Variants in ZNF311 observed in about 807,000 individuals in gnomAD.
ZNF311 encodes the protein zinc finger protein 311, also known as zinc finger protein zfp31.
ZNF311 carries 14 observed loss-of-function variants against 22.7 expected under a neutral mutation model. The observed-to-expected ratio is 0.62, with a 90% CI of 0.41 to 0.96. ZNF311 has a LOEUF of 0.96. Ranked by LOEUF, ZNF311 falls within the 40% of genes least tolerant of loss-of-function variation. The pLI is 0.00. For synonymous variants in ZNF311, 250 were observed against 275.3 expected (o/e 0.91, Z 0.91); for missense variants, 731 against 799.0 (o/e 0.91, Z 1.03).
At chr6:29,004,915 T>A (rs939891996) in intron 1 of ZNF311, 93 bp downstream of exon 1, 1 of 152,202 alleles carries the variant, frequency 6.6e-6, no homozygotes, top group African/African-American at 2.4e-5. Context: ...CTTCAAGTGT[T>A]TTCTTATAGG....
rs751279851 is a variant in ZNF311 at position 28,995,576 on chromosome 6, A to G, written c.1426T>C (p.Cys476Arg). The G allele has an allele frequency of 1.2e-6, 2 of 1,613,206 alleles. No homozygotes were observed. The highest frequency in any genetic ancestry group is 1.1e-5 in the South Asian group (1 of 91,070). Residue 476 changes from cysteine to arginine, a missense_variant, in exon 7 of 7, where the codon TGT becomes CGT. Transcript: ENST00000377179. This position sits in a 1 kb window ranked among gnomAD's most constrained non-coding sequence, Gnocchi z 4.7. The part of the protein sequence containing the change: ...TEEKRYRCEE[C>R]GKAFRHNCKR... ...CAGTTATGACGAAAGGCTTTCCCAC[A>G]CTCCTCACACCTGTAACGTTTCTCT...
At chr6:29,002,922 A>G (rs1005719115) in intron 3 of ZNF311, among the ~76,000 whole-genome samples, 1 of 152,124 alleles carries the variant, frequency 6.6e-6, no homozygotes, top group Non-Finnish European at 1.5e-5. Flanking sequence ...CACCCGGCCT[A>G]CCATCAGCTT....
At chr6:29,003,336 A>G (rs1305057983) in intron 3 of ZNF311, among the ~76,000 whole-genome samples, 177 bp downstream of exon 3, 4 of 152,218 alleles carry the variant, frequency 2.6e-5, no homozygotes, top group Non-Finnish European at 5.9e-5. Flanking sequence ...CAGAAACTGA[A>G]TATTTAGTTC....
In ZNF311 at chr6:28,995,002, C is replaced by G. The variant is rs916905160; in HGVS notation, c.2000G>C (p.Ter667SerextTer2). 4.4e-6 allele frequency: 7 copies of G among 1,599,564 alleles called. No homozygotes were observed. In the Admixed American group the frequency reaches 8.5e-5, roughly 19 times the overall value. Residue 667 changes from the stop codon to serine, a stop_lost, in exon 7 of 7, where the codon TGA becomes TCA. Coordinates refer to ENST00000377179, the MANE Select transcript of ZNF311 (RefSeq NM_001382360.1). This position sits in a 1 kb window ranked among gnomAD's most constrained non-coding sequence, Gnocchi z 4.7. Reference protein sequence around the residue: ...TSVVSILTSA* With the variant: ...TSVVSILTSAS The stretch of plus-strand genomic sequence containing the variant: ...AAAGTAACACCAGAATCGTTATACT[C>G]AGGCACTGGTCAAAATACTGACTAC...
At chr6:28,997,071 G>A (rs1437644663) in intron 6 of ZNF311, among the ~76,000 whole-genome samples, 2 of 152,174 alleles carry the variant, frequency 1.3e-5, no homozygotes, top group African/African-American at 4.8e-5. Context: ...TTAGATCTGT[G>A]CAATACCTGA....
chr6:29,004,252 C>A, intron 1 of ZNF311, 38 bp from the exon 2 acceptor site: 1 of 1,347,962 alleles, frequency 7.4e-7, no homozygotes, highest in Non-Finnish European at 9.5e-7. Context: ...AATGTGACCA[C>A]AGGAAAAAAT....
chr6:28,995,499 G>A lies in ZNF311; in HGVS notation c.1503C>T (p.Cys501=), dbSNP rs1179838379. 1.2e-6 allele frequency: 2 copies of A among 1,612,912 alleles called. No individual in the cohort carries two copies. Among genetic ancestry groups the A allele is most frequent in the African/African-American group, 2.7e-5 (2 of 74,784 alleles). ...CTTGGAAGGTTTTCCCACAATCCCTGCATTGATAGGGCTTCTCCCCTGTAT... is the reference window on the plus strand; with the variant it reads ...CTTGGAAGGTTTTCCCACAATCCCTACATTGATAGGGCTTCTCCCCTGTAT... ...REHTGEKPYQ[C]RDCGKTFQDK... Residue 501 remains cysteine (C), a synonymous_variant, in exon 7 of 7, where the codon TGC becomes TGT. Coordinates refer to ENST00000377179, the MANE Select transcript of ZNF311 (RefSeq NM_001382360.1). This position sits in a 1 kb window ranked among gnomAD's most constrained non-coding sequence, Gnocchi z 4.7.
In ZNF311 at chr6:29,003,566, G is replaced by A. The variant is rs752241852; in HGVS notation, c.38C>T (p.Pro13Leu). 2 of 1,613,000 alleles carry A rather than the reference G, an allele frequency of 1.2e-6. No individual in the cohort carries two copies. Among genetic ancestry groups the A allele is most frequent in the Non-Finnish European group, 1.7e-6 (2 of 1,180,012 alleles). Residue 13 changes from proline to leucine, a missense_variant, in exon 3 of 7, where the codon CCA becomes CTA. Coordinates refer to ENST00000377179, the MANE Select transcript of ZNF311 (RefSeq NM_001382360.1). ...GCGGGTCCAAAGCAGCTGGCTTGGT[G>A]GTCCTGAACTCTCATCCAACAGCAC... The part of the protein sequence containing the change: ...EVVLLDESSG[P>L]PSQLLWTRQD...
Position 28,995,067 on chromosome 6 carries a change from A to G in ZNF311, c.1935T>C (p.Ser645=). The part of the protein sequence containing the change: ...QVWSTHELDG[S]RKSLSPVTVS... Reference sequence around the variant, plus strand: ...CAGTCACTGGAGAGAGGGATTTCCTACTCCCATCAAGTTCATGGGTACTCC... The same window carrying G: ...CAGTCACTGGAGAGAGGGATTTCCTGCTCCCATCAAGTTCATGGGTACTCC... The change falls in exon 7 of 7, where the codon AGT becomes AGC. Residue 645 remains serine (S), a synonymous_variant. Transcript: ENST00000377179. The surrounding 1 kb of genome is among the most constrained non-coding windows in gnomAD (Gnocchi z 4.7). The G allele has an allele frequency of 6.2e-7, 1 of 1,613,466 alleles. No individual in the cohort carries two copies. Among genetic ancestry groups the G allele is most frequent in the Non-Finnish European group, 8.5e-7 (1 of 1,179,986 alleles).
At chr6:29,001,378 C>T (rs1780430121) in intron 3 of ZNF311, among the ~76,000 whole-genome samples, 1 of 152,186 alleles carries the variant, frequency 6.6e-6, no homozygotes, top group Non-Finnish European at 1.5e-5. Flanking sequence ...CCCAAGAAGA[C>T]TCTTCTTTAG....
chr6:28,996,650 T>C, intron 6 of ZNF311, 64 bp from the exon 7 acceptor site: 2 of 1,504,016 alleles, frequency 1.3e-6, no homozygotes, highest in Non-Finnish European at 1.8e-6. Context: ...CGTGAAGCAA[T>C]GTTAAGCTGT....
At chr6:28,997,065 A>G (rs1469925771) in intron 6 of ZNF311, among the ~76,000 whole-genome samples, 2 of 152,176 alleles carry the variant, frequency 1.3e-5, no homozygotes, top group African/African-American at 4.8e-5. Context: ...GGCAGATTAG[A>G]TCTGTGCAAT....
chr6:28,996,117 T>C lies in ZNF311; in HGVS notation c.885A>G (p.Ile295Met). The change falls in exon 7 of 7, where the codon ATA (isoleucine) becomes ATG (methionine). Residue 295 changes from isoleucine (I) to methionine (M), a missense_variant. Ile to Met is a conservative substitution (Grantham distance 10). Coordinates refer to ENST00000377179, the MANE Select transcript of ZNF311 (RefSeq NM_001382360.1). ...KTRNQLSMHR[I>M]IHTGEKPFNC... ...TAAAAGGTTTCTCCCCTGTGTGGAT[T>C]ATCCGGTGCATAGAAAGCTGATTTC... 1 of 1,613,390 alleles carries C rather than the reference T, an allele frequency of 6.2e-7. No homozygotes were observed. Among genetic ancestry groups the C allele is most frequent in the Non-Finnish European group, 8.5e-7 (1 of 1,180,020 alleles).
rs547600866 is a variant in ZNF311 at position 28,997,782 on chromosome 6, T to C, written c.415+952A>G. On this transcript the variant is annotated intron_variant, in intron 6 of 6. Coordinates refer to ENST00000377179, the MANE Select transcript of ZNF311 (RefSeq NM_001382360.1). ...GACAGTTAATAAATCTTAATACCTG[T>C]GTGAACTTGGGAGGATGACTTCACT... Among the ~76,000 whole-genome samples the C allele has an allele frequency of 3.0e-4, 45 of 152,366 alleles. 1 individual carries two copies. In the South Asian group the frequency reaches 8.9e-3, roughly 30 times the overall value.
At chr6:28,998,699 G>C in intron 6 of ZNF311, 35 bp downstream of exon 6, 1 of 1,431,292 alleles carries the variant, frequency 7.0e-7, no homozygotes, top group Non-Finnish European at 9.8e-7. Context: ...CCACATGGAA[G>C]ATCAGAGGGA....
rs534630439 is a variant in ZNF311, at chr6:29,000,569, G to A, written c.92-522C>T. Among the ~76,000 whole-genome samples the A allele has an allele frequency of 2.8e-4, 43 of 152,266 alleles. 3 individuals are homozygous for A. The South Asian group carries it at 8.7e-3, about 31-fold the overall frequency. On this transcript the variant is annotated intron_variant, in intron 3 of 6. Transcript: ENST00000377179. ...TAACTTAATGGCTGGTCTACCTCCA[G>A]TTAGTTACAAATTTTTTTCCTTATT...
intron 5 of ZNF311, among the ~76,000 whole-genome samples, chr6:28,999,078 TCTC>T (rs977383867): frequency 6.7e-6 from 1 of 149,392 alleles, no homozygotes; most frequent in Non-Finnish European, 1.5e-5. Context: ...TTGGGTGTGC[TCTC>T]CTGTTTTTTT....
chr6:28,995,038 GA>G lies in ZNF311; in HGVS notation c.1963del (p.Ser655LeufsTer5), dbSNP rs771175803. On this transcript the variant is annotated frameshift_variant, in exon 7 of 7. Transcript: ENST00000377179. LOFTEE classifies it low-confidence loss of function (END_TRUNC). The surrounding 1 kb of genome is among the most constrained non-coding windows in gnomAD (Gnocchi z 4.7). ...CAAAATACTGACTACTGAGGTCTGAGAAACAGTCACTGGAGAGAGGGATTTC... is the reference window on the plus strand; with the variant it reads ...CAAAATACTGACTACTGAGGTCTGAGAACAGTCACTGGAGAGAGGGATTTC... The part of the protein sequence containing the change: ...SRKSLSPVTV[S>X]QTSVVSILTS... The G allele has an allele frequency of 3.1e-6, 5 of 1,612,246 alleles. No homozygotes were observed. In the African/African-American group the frequency reaches 6.7e-5, roughly 22 times the overall value.
intron 2 of ZNF311, 74 bp from the exon 3 acceptor site, chr6:29,003,668 A>T: frequency 6.5e-7 from 1 of 1,530,760 alleles, no homozygotes; most frequent in Admixed American, 1.7e-5. Context: ...GCAAGCAACC[A>T]TACAGGTCTA....
Sources: gnomAD v4.1 joint callset for allele counts (sites outside exome capture counted in the v4.1 genomes callset) on GRCh38, gnomAD v4.1.1 for gene constraint, Gnocchi (gnomAD v3.1) non-coding constraint, MANE v1.5 for transcripts, NCBI Gene and HGNC (gene_info 2026-07-23, HGNC 2026-07-21) for gene names.